RALGPS2: variants seen among roughly 807,000 people sequenced by gnomAD.
The protein encoded by RALGPS2 is Ral GEF with PH domain and SH3 binding motif 2, also known as ras-specific guanine nucleotide-releasing factor RalGPS2.
In RALGPS2, 43 loss-of-function variants were observed where a neutral mutation model predicts 86.8. The ratio of observed to expected loss-of-function variants is 0.50; its 90% CI spans 0.39 to 0.64. The LOEUF (loss-of-function observed/expected upper bound fraction) is 0.64, where lower values mean the gene tolerates loss of function less well. Among genes scored for constraint, RALGPS2 ranks in the 30% least tolerant of loss-of-function variants. RALGPS2 has a pLI of 0.00. For synonymous variants in RALGPS2, 243 were observed against 231.3 expected, an observed-to-expected ratio of 1.05 and a Z score of -0.46; for missense variants, 536 against 694.6, an observed-to-expected ratio of 0.77 and a Z score of 2.57.
intron 6 of RALGPS2, among the ~76,000 whole-genome samples, chr1:178,820,573 A>G (rs1004782559): frequency 1.3e-5 from 2 of 152,124 alleles, no homozygotes; most frequent in African/African-American, 4.8e-5. Context: ...GTAGAACCCT[A>G]TATATACTTT....
chr1:178,865,609 A>G (rs1368352455), intron 8 of RALGPS2: 13 of 1,613,842 alleles, frequency 8.1e-6, no homozygotes, highest in Non-Finnish European at 1.1e-5. Context: ...TTCTTTGTTC[A>G]GGTACCAGGA....
intron 8 of RALGPS2, among the ~76,000 whole-genome samples, chr1:178,849,092 CATTT>C (rs975012677): frequency 6.6e-6 from 1 of 152,174 alleles, no homozygotes; most frequent in Non-Finnish European, 1.5e-5. Flanking sequence ...TGTATTAACT[CATTT>C]ATTTGATCGT....
chr1:178,898,732 C>CT (rs1026558607), intron 17 of RALGPS2, among the ~76,000 whole-genome samples: 13 of 152,004 alleles, frequency 8.6e-5, no homozygotes, highest in Non-Finnish European at 1.8e-4. Context: ...TAAGCACTAG[C>CT]TTTTTTGCTC....
At chr1:178,870,952 G>A (rs1418084726) in intron 8 of RALGPS2, 1 of 152,138 alleles carries the variant, frequency 6.6e-6, no homozygotes, top group Non-Finnish European at 1.5e-5. Flanking sequence ...ATTTTAAGTA[G>A]TATAGTGGAA....
rs534269489 is a variant in RALGPS2, at chr1:178,833,601, C to T, written c.607+51C>T. The T allele has an allele frequency of 2.7e-6, 4 of 1,504,674 alleles. No homozygotes were observed. The South Asian group carries it at 5.5e-5, about 21-fold the overall frequency. 93.2% of individuals were successfully genotyped at this position (1,504,674 alleles called of 1,614,324 possible). The stretch of plus-strand genomic sequence containing the variant: ...TGTTTCTAGTTGTTACTCTTCCTTA[C>T]TCAGTAATTTATGTGAAATTCAAGG... On this transcript the variant is annotated intron_variant, in intron 8 of 19. Transcript: ENST00000367635.
At chr1:178,883,680 T>G in intron 11 of RALGPS2, 147 bp downstream of exon 11, 1 of 721,612 alleles carries the variant, frequency 1.4e-6, no homozygotes, top group Non-Finnish European at 2.2e-6. Flanking sequence ...TCTGGGTTTT[T>G]TGGTTTTTAA....
At chr1:178,824,277 A>G (rs73039808) in intron 7 of RALGPS2, among the ~76,000 whole-genome samples, 3,324 of 152,190 alleles carry the variant, frequency 0.022, 140 homozygotes, top group African/African-American at 0.076. Flanking sequence ...TTTTACTGTA[A>G]AGGGCTGCAG....
rs369401188 is a variant in RALGPS2, at chr1:178,843,664, AAAAG to A, written c.607+10126_607+10129del. On this transcript the variant is annotated intron_variant, in intron 8 of 19. Coordinates refer to ENST00000367635, the MANE Select transcript of RALGPS2 (RefSeq NM_152663.5). ...AACTTAAAGTATAATTAAAAAAAAA[AAAAG>A]AAAGAAAGAAACCAAAAAGGGAAAA... Among the ~76,000 whole-genome samples the A allele has an allele frequency of 1.5e-3, 233 of 152,024 alleles. 1 individual carries two copies. The highest frequency in any genetic ancestry group is 0.014 in the South Asian group (68 of 4,810).
In RALGPS2 at chr1:178,819,448, G is replaced by T. The variant is rs78553862; in HGVS notation, c.388-2164G>T. ...ACTTCTATCCTGCCCTTACGCTCAG[G>T]CAATGAGTCCTTCAGTGTCTCTGCT... On this transcript the variant is annotated intron_variant, in intron 6 of 19. Coordinates refer to ENST00000367635, the MANE Select transcript of RALGPS2 (RefSeq NM_152663.5). 2.4e-3 allele frequency among the ~76,000 whole-genome samples: 358 copies of T among 152,222 alleles called. 1 individual carries two copies. Among genetic ancestry groups the T allele is most frequent in the African/African-American group, 8.3e-3 (346 of 41,542 alleles).
intron 10 of RALGPS2, among the ~76,000 whole-genome samples, chr1:178,882,541 TATC>T (rs937050716): frequency 6.6e-6 from 1 of 152,258 alleles, no homozygotes; most frequent in Non-Finnish European, 1.5e-5. Flanking sequence ...ACAGTAGATT[TATC>T]ATTATAAATG....
chr1:178,727,673 A>G (rs774724860), intron 1 of RALGPS2, among the ~76,000 whole-genome samples: 1 of 152,172 alleles, frequency 6.6e-6, no homozygotes, highest in African/African-American at 2.4e-5. Flanking sequence ...ATTAGAGTTC[A>G]GTGTAGTGAA....
rs190670995 is a variant in RALGPS2 at position 178,855,635 on chromosome 1, T to G, written c.608-21863T>G. On this transcript the variant is annotated intron_variant, in intron 8 of 19. Transcript: ENST00000367635. ...AGAGTTGCAATTTGATTTTTTATAG[T>G]TTTTATTTCTCTTTTGAGATGCCCT... 3.1e-3 allele frequency among the ~76,000 whole-genome samples: 465 copies of G among 151,964 alleles called. 4 individuals are homozygous for G. The highest frequency in any genetic ancestry group is 0.01 in the African/African-American group (431 of 41,542).
At chr1:178,852,766 T>C in intron 8 of RALGPS2, 1 of 1,613,930 alleles carries the variant, frequency 6.2e-7, no homozygotes, top group South Asian at 1.1e-5. Context: ...ATTTCCCTGG[T>C]AAGTTCCCAG....
At chr1:178,795,443 T>G (rs1558123190) in intron 4 of RALGPS2, among the ~76,000 whole-genome samples, 1 of 152,048 alleles carries the variant, frequency 6.6e-6, no homozygotes, top group African/African-American at 2.4e-5. Context: ...GACAAAGTCT[T>G]ACTCTGTTGC....
chr1:178,760,273 G>A (rs918785720), intron 1 of RALGPS2, among the ~76,000 whole-genome samples: 21 of 152,156 alleles, frequency 1.4e-4, no homozygotes, highest in African/African-American at 4.6e-4. Context: ...ATGATCTAAC[G>A]TTGTCATGGG....
At chr1:178,786,481 C>G (rs888211886) in intron 4 of RALGPS2, among the ~76,000 whole-genome samples, 1 of 151,818 alleles carries the variant, frequency 6.6e-6, no homozygotes, top group African/African-American at 2.4e-5. Context: ...AAGGGACTGG[C>G]GTTATGCATC....
chr1:178,869,658 C>T (rs1572432572), intron 8 of RALGPS2, among the ~76,000 whole-genome samples: 1 of 152,000 alleles, frequency 6.6e-6, no homozygotes, highest in African/African-American at 2.4e-5. Context: ...CCAGCATTTA[C>T]AGTTTTAAAT....
intron 4 of RALGPS2, among the ~76,000 whole-genome samples, chr1:178,788,022 A>T (rs969722252): frequency 1.3e-5 from 2 of 152,086 alleles, no homozygotes; most frequent in African/African-American, 4.8e-5. Context: ...TCACAGTTTT[A>T]CCTTTTTCTA....
intron 19 of RALGPS2, among the ~76,000 whole-genome samples, chr1:178,915,052 A>C (rs1660759813): frequency 6.6e-6 from 1 of 152,186 alleles, no homozygotes; most frequent in African/African-American, 2.4e-5. Flanking sequence ...TTTCTGTGCA[A>C]CAAGTCAACC....
Sources: allele counts gnomAD v4.1 joint callset (sites outside exome capture counted in the v4.1 genomes callset), GRCh38; gene constraint gnomAD v4.1.1; transcripts MANE v1.5; gene names NCBI Gene and HGNC (gene_info 2026-07-23, HGNC 2026-07-21).